CEP192: variants seen among roughly 807,000 people sequenced by gnomAD.
CEP192 encodes the protein centrosomal protein of 192 kDa.
In CEP192, 151 loss-of-function variants were observed where a neutral mutation model predicts 271.8. That is an observed-to-expected ratio of 0.56 (90% CI 0.49 to 0.64). The LOEUF (loss-of-function observed/expected upper bound fraction) is 0.64. Ranked by LOEUF, CEP192 falls within the 30% of genes least tolerant of loss-of-function variation. CEP192 has a pLI of 0.00. For missense variants in CEP192, 2,910 were observed against 3,020.5 expected (o/e 0.96, Z 0.86); for synonymous variants, 995 against 1,076.5 (o/e 0.92, Z 1.48).
Position 13,076,852 on chromosome 18 carries a change from C to T in CEP192, c.5616+3667C>T, listed in dbSNP as rs947477922. On this transcript the variant is annotated intron_variant, in intron 30 of 44. Coordinates refer to ENST00000506447, the MANE Select transcript of CEP192 (RefSeq NM_032142.4). ...AGCCTGGAGTGCAGTGGCGTGATCT[C>T]GGCTCACTGCAACTTCCACCTCCCA... Among the ~76,000 whole-genome samples the T allele has an allele frequency of 1.2e-4, 19 of 152,154 alleles. 1 individual carries two copies. The South Asian group carries it at 2.5e-3, about 20-fold the overall frequency.
chr18:13,037,343 T>C (rs1477908964), intron 12 of CEP192, 42 bp downstream of exon 12: 8 of 821,762 alleles, frequency 9.7e-6, no homozygotes, highest in Non-Finnish European at 1.6e-5. Flanking sequence ...AAATTTTTCC[T>C]GTATTAGTGT....
chr18:13,075,137 G>A (rs553732321), intron 30 of CEP192, among the ~76,000 whole-genome samples: 2 of 152,310 alleles, frequency 1.3e-5, no homozygotes, highest in African/African-American at 4.8e-5. Context: ...CTCTGCCCTC[G>A]GGAATGGATT....
intron 44 of CEP192, among the ~76,000 whole-genome samples, chr18:13,121,150 A>T (rs1278495721): frequency 6.6e-6 from 1 of 152,264 alleles, no homozygotes; most frequent in Non-Finnish European, 1.5e-5. Context: ...AGATGAGAGC[A>T]GCAGTTAGCT....
chr18:13,033,643 C>T (rs748444858), intron 11 of CEP192, among the ~76,000 whole-genome samples: 1 of 152,086 alleles, frequency 6.6e-6, no homozygotes, highest in African/African-American at 2.4e-5. Flanking sequence ...TCTGTGATAA[C>T]AACGTTAGAA....
chr18:13,010,471 A>G (rs763006309), intron 4 of CEP192, among the ~76,000 whole-genome samples: 43 of 152,342 alleles, frequency 2.8e-4, no homozygotes, highest in Non-Finnish European at 5.6e-4. Context: ...ATTATCACTC[A>G]AATAAGCAAT....
At chr18:13,084,348 G>T (rs1015244982) in intron 30 of CEP192, among the ~76,000 whole-genome samples, 1 of 152,118 alleles carries the variant, frequency 6.6e-6, no homozygotes, top group African/African-American at 2.4e-5. Flanking sequence ...CCCTCCCCCC[G>T]TCAGGCTACT....
chr18:13,124,656 C>T lies in CEP192; in HGVS notation c.7500C>T (p.Pro2500=), dbSNP rs9961213. 68 of 1,613,812 alleles carry T rather than the reference C, an allele frequency of 4.2e-5. 1 individual carries two copies. The African/African-American group carries it at 5.7e-4, about 14-fold the overall frequency. The change falls in exon 45 of 45, where the codon CCC becomes CCT. Residue 2500 remains proline, a synonymous_variant. Coordinates refer to ENST00000506447, the MANE Select transcript of CEP192 (RefSeq NM_032142.4). ...GAGCCCAGCATTACATCAACATGCCCGTGCAGTTCAAACCGAAGTCCGCAG... is the reference window on the plus strand; with the variant it reads ...GAGCCCAGCATTACATCAACATGCCTGTGCAGTTCAAACCGAAGTCCGCAG... ...SLRAQHYINM[P]VQFKPKSAGK...
rs191065107 is a variant in CEP192 at position 13,019,352 on chromosome 18, G to T, written c.1050+146G>T. Reference sequence around the variant, plus strand: ...AAGTACTCACTACTGATAATTTTTCGATATGTTTATAAGTATCATACAATT... The same window carrying T: ...AAGTACTCACTACTGATAATTTTTCTATATGTTTATAAGTATCATACAATT... On this transcript the variant is annotated intron_variant, in intron 9 of 44. Transcript: ENST00000506447. 1.4e-5 allele frequency: 8 copies of T among 585,316 alleles called. No individual in the cohort carries two copies. The Admixed American group carries it at 1.6e-4, about 12-fold the overall frequency. The allele number at this position is 585,316 out of a possible 1,614,324, so 36.3% of individuals were successfully genotyped here. A position where few individuals can be genotyped will look rare whatever the true frequency, so the allele number is the denominator to read the frequency against.
intron 9 of CEP192, among the ~76,000 whole-genome samples, chr18:13,023,840 A>G (rs1341716110): frequency 3.9e-5 from 6 of 152,190 alleles, no homozygotes; most frequent in Non-Finnish European, 7.3e-5. Context: ...TGTTGAACCT[A>G]TCTGGGCATG....
chr18:13,103,884 C>T (rs754171892), intron 39 of CEP192: 3 of 478,264 alleles, frequency 6.3e-6, no homozygotes, highest in South Asian at 3.1e-5. Flanking sequence ...GAGATGGAGC[C>T]TCACCACACT....
chr18:13,066,491 T>G (rs1434780501), intron 21 of CEP192, among the ~76,000 whole-genome samples: 4 of 152,234 alleles, frequency 2.6e-5, no homozygotes, highest in African/African-American at 9.6e-5. Context: ...GCTTTTTGCT[T>G]TAGGAATCCA....
chr18:13,082,122 CT>C (rs1157430664), intron 30 of CEP192, among the ~76,000 whole-genome samples: 1 of 151,836 alleles, frequency 6.6e-6, no homozygotes, highest in Non-Finnish European at 1.5e-5. Context: ...CTATTAGGTC[CT>C]CTTGGTGCAG....
At chr18:13,072,933 T>C (rs1297910294) in intron 29 of CEP192, 76 bp from the exon 30 acceptor site, 1 of 1,548,106 alleles carries the variant, frequency 6.5e-7, no homozygotes, top group Non-Finnish European at 8.9e-7. Context: ...ATTTAGCTTT[T>C]AAGAATCTGT....
At chr18:13,007,008 C>CT (rs1045599595) in intron 3 of CEP192, among the ~76,000 whole-genome samples, 1 of 152,166 alleles carries the variant, frequency 6.6e-6, no homozygotes, top group African/African-American at 2.4e-5. Flanking sequence ...CCCCACTCTC[C>CT]TGCCCTCCCC....
intron 34 of CEP192, 54 bp downstream of exon 34, chr18:13,092,581 A>C: frequency 7.5e-7 from 1 of 1,329,778 alleles, no homozygotes; most frequent in East Asian, 2.4e-5. Context: ...TTCGATTCAT[A>C]GCAAAGCTGA....
In CEP192 at chr18:13,004,260, T is replaced by C. The variant is rs142209485; in HGVS notation, c.290+2678T>C. ...GAAAGGGAGCAGAGAAACGAGGTTATGACAGCTGGATGGTTGTAGTGGGTG... is the reference window on the plus strand; with the variant it reads ...GAAAGGGAGCAGAGAAACGAGGTTACGACAGCTGGATGGTTGTAGTGGGTG... On this transcript the variant is annotated intron_variant, in intron 3 of 44. Transcript: ENST00000506447. Among the ~76,000 whole-genome samples, 1,414 of 152,082 alleles carry C rather than the reference T, an allele frequency of 9.3e-3. 22 individuals carry two copies. The highest frequency in any genetic ancestry group is 0.031 in the African/African-American group (1,298 of 41,482).
intron 36 of CEP192, among the ~76,000 whole-genome samples, chr18:13,098,314 C>T (rs889638728): frequency 7.3e-5 from 11 of 151,516 alleles, no homozygotes; most frequent in African/African-American, 1.7e-4. Flanking sequence ...GCTGGCCTGG[C>T]GGGGGCTGAC....
At chr18:13,027,920 T>C (rs1012859315) in intron 9 of CEP192, among the ~76,000 whole-genome samples, 1 of 152,254 alleles carries the variant, frequency 6.6e-6, no homozygotes, top group Non-Finnish European at 1.5e-5. Context: ...GATCTTTATA[T>C]GTTTTAGGCT....
intron 30 of CEP192, among the ~76,000 whole-genome samples, chr18:13,073,528 A>G (rs929877892): frequency 5.9e-5 from 9 of 152,310 alleles, no homozygotes; most frequent in East Asian, 5.8e-4. Context: ...TATTTTCTCA[A>G]TTATCAGCAA....
Sources: gnomAD v4.1 joint callset for allele counts (sites outside exome capture counted in the v4.1 genomes callset) on GRCh38, gnomAD v4.1.1 for gene constraint, MANE v1.5 for transcripts, NCBI Gene and HGNC (gene_info 2026-07-23, HGNC 2026-07-21) for gene names.